The following TSPAN14 variants were observed in gnomAD, a reference collection of about 807,000 sequenced individuals.
The protein encoded by TSPAN14 is tetraspanin 14.
Under a neutral mutation model 36.6 loss-of-function variants are expected in TSPAN14, and 16 were observed. The observed-to-expected ratio is 0.44, with a 90% confidence interval of 0.30 to 0.66. The LOEUF (loss-of-function observed/expected upper bound fraction) is 0.66. Among genes scored for constraint, TSPAN14 ranks in the 30% least tolerant of loss-of-function variants. The pLI, the probability that TSPAN14 is intolerant of heterozygous loss-of-function variation, is 0.12. For missense variants in TSPAN14, 231 were observed against 355.1 expected (o/e 0.65, Z 2.81); for synonymous variants, 139 against 143.8 (o/e 0.97, Z 0.24).
chr10:80,486,886 G>C (rs1847632247), intron 1 of TSPAN14, among the ~76,000 whole-genome samples: 1 of 151,956 alleles, frequency 6.6e-6, no homozygotes, highest in Non-Finnish European at 1.5e-5. Context: ...TGGTTGGGTA[G>C]CCCAACCCTC....
chr10:80,505,641 G>C (rs1840247999), intron 3 of TSPAN14, among the ~76,000 whole-genome samples: 1 of 152,166 alleles, frequency 6.6e-6, no homozygotes, highest in African/African-American at 2.4e-5. Flanking sequence ...TCAGGTTTGG[G>C]CACCTTCCAA....
chr10:80,496,705 C>T (rs1372473555), intron 2 of TSPAN14, among the ~76,000 whole-genome samples: 2 of 151,850 alleles, frequency 1.3e-5, no homozygotes, highest in South Asian at 2.1e-4. Context: ...GCTTTGTCTT[C>T]AGCTTTACTG....
At chr10:80,496,716 A>T (rs1328555698) in intron 2 of TSPAN14, among the ~76,000 whole-genome samples, 1 of 150,954 alleles carries the variant, frequency 6.6e-6, no homozygotes, top group East Asian at 1.9e-4. Context: ...AGCTTTACTG[A>T]TCTTTTCTTC....
intron 2 of TSPAN14, among the ~76,000 whole-genome samples, chr10:80,500,314 C>CTTTTTTTTTTTT (rs144759161): frequency 4.2e-5 from 2 of 47,860 alleles, no homozygotes; most frequent in Non-Finnish European, 3.6e-5. Context: ...AGGCCTTATT[C>CTTTTTTTTTTTT]TTTTTTTTTT....
chr10:80,519,514 A>ATTTTTTTTTTTT (rs3049195), exon 9 of TSPAN14: 5 of 146,688 alleles, frequency 3.4e-5, no homozygotes, highest in African/African-American at 1.3e-4. Flanking sequence ...GTTGATGATG[A>ATTTTTTTTTTTT]TTTTTTTTTT....
At chr10:80,499,328 G>C (rs1278304056) in intron 2 of TSPAN14, among the ~76,000 whole-genome samples, 1 of 152,160 alleles carries the variant, frequency 6.6e-6, no homozygotes, top group East Asian at 1.9e-4. Flanking sequence ...AGGACCTCCT[G>C]CCTTTCGCAA....
chr10:80,482,376 TC>T (rs1163878485), intron 1 of TSPAN14, among the ~76,000 whole-genome samples: 6 of 151,730 alleles, frequency 4.0e-5, no homozygotes, highest in Admixed American at 3.9e-4. Context: ...AACCTCTGCT[TC>T]CCAGGTTCAA....
At chr10:80,490,583 G>A (rs1197567055) in intron 2 of TSPAN14, among the ~76,000 whole-genome samples, 1 of 152,210 alleles carries the variant, frequency 6.6e-6, no homozygotes, top group Non-Finnish European at 1.5e-5. Context: ...ACAAAGTGGA[G>A]GTTGTTGATG....
intron 1 of TSPAN14, among the ~76,000 whole-genome samples, chr10:80,462,180 T>G (rs1846007829): frequency 6.6e-6 from 1 of 152,136 alleles, no homozygotes; most frequent in Admixed American, 6.5e-5. Context: ...AGGGGCTACT[T>G]ATTGAACATA....
At chr10:80,503,820 T>C (rs1840126502) in intron 2 of TSPAN14, among the ~76,000 whole-genome samples, 1 of 152,148 alleles carries the variant, frequency 6.6e-6, no homozygotes, top group East Asian at 1.9e-4. Flanking sequence ...GGTCCTGTTA[T>C]TTATCGTGAG....
intron 1 of TSPAN14, among the ~76,000 whole-genome samples, chr10:80,472,985 G>A (rs1026167687): frequency 2.6e-5 from 4 of 152,198 alleles, no homozygotes; most frequent in African/African-American, 7.2e-5. Flanking sequence ...GTCAGTCACA[G>A]TAGGCCCATG....
In TSPAN14 at chr10:80,484,505, A is replaced by G. The variant is rs560812122; in HGVS notation, c.-17-4712A>G. Among the ~76,000 whole-genome samples, 69 of 152,032 alleles carry G rather than the reference A, an allele frequency of 4.5e-4. 1 individual carries two copies. The highest frequency in any genetic ancestry group is 1.5e-3 in the South Asian group (7 of 4,824). ...GCTAATTTTTGTACTTTTTGTAGAG[A>G]TGGTGTTTGGCCTTGTTGCACAGGC... On this transcript the variant is annotated intron_variant, in intron 1 of 8. Transcript: ENST00000429989.
chr10:80,499,493 GC>G (rs1848376938), intron 2 of TSPAN14, among the ~76,000 whole-genome samples: 1 of 152,176 alleles, frequency 6.6e-6, no homozygotes, highest in South Asian at 2.1e-4. Context: ...CAACCCCAAA[GC>G]CCCCCTGTGG....
In TSPAN14 at chr10:80,509,665, C is replaced by G; in HGVS notation, c.450+194C>G. On this transcript the variant is annotated intron_variant, in intron 5 of 8. Coordinates refer to ENST00000429989, the Ensembl canonical transcript of TSPAN14. The surrounding 1 kb of genome is among the most constrained non-coding windows in gnomAD (Gnocchi z 4.7). The stretch of plus-strand genomic sequence containing the variant: ...GCCGGCTTGTGGTTGCCTGGTGGGC[C>G]AGCCCTTTCCCATTGGGATTGGGCA... 1.6e-6 allele frequency: 1 copy of G among 614,474 alleles called. No individual in the cohort carries two copies. The highest frequency in any genetic ancestry group is 2.8e-6 in the Non-Finnish European group (1 of 362,426). 38.1% of individuals were successfully genotyped at this position (614,474 alleles called of 1,614,324 possible). A position where few individuals can be genotyped will look rare whatever the true frequency, so the allele number is the denominator to read the frequency against.
intron 8 of TSPAN14, 112 bp downstream of exon 8, chr10:80,516,435 G>GA: frequency 2.0e-6 from 3 of 1,493,856 alleles, no homozygotes; most frequent in Non-Finnish European, 2.7e-6. Context: ...GAAGCTTGCA[G>GA]AAGAAAAAAA....
chr10:80,508,600 G>A (rs1413152003), intron 4 of TSPAN14, among the ~76,000 whole-genome samples: 2 of 152,144 alleles, frequency 1.3e-5, no homozygotes, highest in African/African-American at 4.8e-5. Context: ...ACCACTGCTT[G>A]TGGCCTGGGG....
At chr10:80,461,747 C>T (rs1400384832) in intron 1 of TSPAN14, among the ~76,000 whole-genome samples, 1 of 151,956 alleles carries the variant, frequency 6.6e-6, no homozygotes, top group Non-Finnish European at 1.5e-5. Flanking sequence ...TCTGCTCACT[C>T]CTGCAGAAAG....
intron 1 of TSPAN14, among the ~76,000 whole-genome samples, chr10:80,474,249 T>C (rs372620561): frequency 6.6e-6 from 1 of 151,608 alleles, no homozygotes; most frequent in Non-Finnish European, 1.5e-5. Context: ...CTTCGGAGAA[T>C]GAGAGGGAAG....
chr10:80,469,776 A>G (rs1231333228), intron 1 of TSPAN14, among the ~76,000 whole-genome samples: 1 of 152,052 alleles, frequency 6.6e-6, no homozygotes, highest in Non-Finnish European at 1.5e-5. Context: ...GTTTTGTTTT[A>G]GCTCTGTAAA....
Sources: allele counts gnomAD v4.1 joint callset (sites outside exome capture counted in the v4.1 genomes callset), GRCh38; gene constraint gnomAD v4.1.1; non-coding constraint Gnocchi (gnomAD v3.1); transcripts MANE v1.5; gene names NCBI Gene and HGNC (gene_info 2026-07-23, HGNC 2026-07-21).